The following IGSF9B variants were observed in gnomAD, a reference collection of about 807,000 sequenced individuals.
IGSF9B encodes protein turtle homolog B.
A neutral mutation model predicts 143.7 loss-of-function variants in IGSF9B; 48 were observed. The ratio of observed to expected loss-of-function variants is 0.33; its 90% confidence interval spans 0.26 to 0.42. The LOEUF (loss-of-function observed/expected upper bound fraction) is 0.42, where lower values mean the gene tolerates loss of function less well. Ranked by LOEUF, IGSF9B falls within the 20% of genes least tolerant of loss-of-function variation. IGSF9B has a pLI of 1.00. For synonymous variants in IGSF9B, 903 were observed against 833.1 expected, an observed-to-expected ratio of 1.08 and a Z score of -1.44; for missense variants, 1,706 against 1,980.0, an observed-to-expected ratio of 0.86 and a Z score of 2.63.
Position 133,897,116 on chromosome 11 carries a change from G to C in IGSF9B, c.*11953C>G, listed in dbSNP as rs1175654376. On this transcript the variant is annotated 3_prime_UTR_variant, in exon 20 of 20. Coordinates refer to ENST00000533871, the MANE Select transcript of IGSF9B (RefSeq NM_001277285.4). ...TGGAAGGGCCCCTTATAAATGCTTT[G>C]AGTTTGGAGATTTTGAGGGAAAAAA... 1 of 152,140 alleles carries C rather than the reference G, an allele frequency of 6.6e-6. No individual in the cohort carries two copies. Among genetic ancestry groups the C allele is most frequent in the Non-Finnish European group, 1.5e-5 (1 of 68,046 alleles). The allele number at this position is 152,140 out of a possible 1,614,324, so 9.4% of individuals were successfully genotyped here.
chr11:133,915,256 TTCTC>T (rs752318217), intron 18 of IGSF9B, among the ~76,000 whole-genome samples: 12,784 of 131,414 alleles, frequency 0.097, 1,141 homozygotes, highest in Middle Eastern at 0.14. Context: ...TGGAACTTAC[TTCTC>T]TCTCTCTCTT....
chr11:133,920,624 C>A lies in IGSF9B; in HGVS notation c.3101G>T (p.Gly1034Val). The change falls in exon 18 of 20, where the codon GGG becomes GTG. Residue 1034 changes from glycine to valine, a missense_variant. Physicochemically the swap from Gly to Val is moderately radical, Grantham distance 109. Coordinates refer to ENST00000533871, the MANE Select transcript of IGSF9B (RefSeq NM_001277285.4). The part of the protein sequence containing the change: ...TLPLTQTPTG[G>V]RSPEPWGRPE... ...CCGGCCCCAGGGCTCAGGGGAGCGC[C>A]CTCCTGTAGGTGTCTGAGTCAAGGG... 1 of 1,613,486 alleles carries A rather than the reference C, an allele frequency of 6.2e-7. No homozygotes were observed. Among genetic ancestry groups the A allele is most frequent in the Non-Finnish European group, 8.5e-7 (1 of 1,179,814 alleles).
intron 7 of IGSF9B, among the ~76,000 whole-genome samples, chr11:133,934,612 G>A (rs1020591218): frequency 3.3e-5 from 5 of 152,192 alleles, no homozygotes; most frequent in African/African-American, 9.7e-5. Flanking sequence ...GTGAGACTGC[G>A]AGGTTAGGGG....
intron 3 of IGSF9B, among the ~76,000 whole-genome samples, chr11:133,940,377 T>C (rs1188716220): frequency 3.4e-5 from 4 of 116,044 alleles, no homozygotes; most frequent in Admixed American, 3.0e-4. Flanking sequence ...ACCTCGCACG[T>C]CCTCGCATGC....
chr11:133,956,600 G>C (rs991376142), intron 1 of IGSF9B, 91 bp downstream of exon 1: 24 of 867,506 alleles, frequency 2.8e-5, no homozygotes, highest in Admixed American at 4.9e-5. Context: ...TGGGGAACCG[G>C]GGGGCCAAGG....
chr11:133,951,950 T>C (rs1940166405), intron 1 of IGSF9B: 2 of 430,240 alleles, frequency 4.6e-6, no homozygotes, highest in South Asian at 3.2e-5. Flanking sequence ...AGTCTGTGCC[T>C]GTGTGCAAGT....
chr11:133,920,058 G>A lies in IGSF9B; in HGVS notation c.3667C>T (p.Arg1223Trp), dbSNP rs752565096. 1.4e-5 allele frequency: 22 copies of A among 1,546,238 alleles called. No individual in the cohort carries two copies. The South Asian group carries it at 1.7e-4, about 12-fold the overall frequency. Reference protein sequence around the residue: ...TGSPELAARARPRPGLLQQAE... With the variant: ...TGSPELAARAWPRPGLLQQAE... ...TGCTGCAGGAGGCCCGGGCGAGGCC[G>A]GGCACGGGCGGCGAGCTCAGGGGAG... is the stretch of plus-strand genomic sequence containing the variant. The change falls in exon 18 of 20, where the codon CGG becomes TGG. Residue 1223 changes from arginine to tryptophan, a missense_variant. By Grantham distance (101) the Arg-to-Trp change is moderately radical (BLOSUM62 -3). Around this residue, in one of 7 missense-constraint regions of IGSF9B, gnomAD observed 880 missense variants for 762.9 expected, o/e 1.15. Transcript: ENST00000533871.
rs139348814 is a variant in IGSF9B, at chr11:133,926,887, G to A, written c.1807+29C>T. The A allele has an allele frequency of 1.3e-4, 196 of 1,539,128 alleles. 1 individual carries two copies. In the African/African-American group the frequency reaches 1.9e-3, roughly 15 times the overall value. ...CGCCCCCACCACCTCTACAACCCCC[G>A]CTCCCAACATCCCACCCCGGGCCCT... On this transcript the variant is annotated intron_variant, in intron 13 of 19. Coordinates refer to ENST00000533871, the MANE Select transcript of IGSF9B (RefSeq NM_001277285.4).
In IGSF9B at chr11:133,943,276, A is replaced by C. The variant is rs112548718; in HGVS notation, c.409+944T>G. On this transcript the variant is annotated intron_variant, in intron 3 of 19. Coordinates refer to ENST00000533871, the MANE Select transcript of IGSF9B (RefSeq NM_001277285.4). ...AATTTTGTCATCAATGGAATAACGA[A>C]GGACACATTGTTAATTTTTTGGCCA... 6.2e-3 allele frequency among the ~76,000 whole-genome samples: 941 copies of C among 152,340 alleles called. 11 individuals carry two copies. Among genetic ancestry groups the C allele is most frequent in the African/African-American group, 0.022 (920 of 41,568 alleles).
chr11:133,945,098 G>A lies in IGSF9B; in HGVS notation c.263-732C>T, dbSNP rs2121337141. On this transcript the variant is annotated intron_variant, in intron 2 of 19. Transcript: ENST00000533871. The surrounding 1 kb of genome is among the most constrained non-coding windows in gnomAD (Gnocchi z 4.6). ...AGGATGCCATCTGTGTCTCACATGT[G>A]GCAATGAGGAGGCCAGAGGTGCAGA... Among the ~76,000 whole-genome samples the A allele has an allele frequency of 6.6e-6, 1 of 152,278 alleles. No homozygotes were observed. Among genetic ancestry groups the A allele is most frequent in the South Asian group, 2.1e-4 (1 of 4,820 alleles).
At chr11:133,919,655 G>C (rs935847662) in intron 18 of IGSF9B, 87 bp downstream of exon 18, 4 of 873,730 alleles carry the variant, frequency 4.6e-6, no homozygotes, top group African/African-American at 1.7e-5. Flanking sequence ...CTGTCGCCGG[G>C]CGGATGGACG....
intron 15 of IGSF9B, 58 bp downstream of exon 15, chr11:133,924,762 C>A: frequency 7.2e-7 from 1 of 1,380,342 alleles, no homozygotes; most frequent in South Asian, 1.2e-5. Context: ...AAATGACCCC[C>A]ATGCAGCTCT....
At position 133,920,542 on chromosome 11, in the gene IGSF9B, C is replaced by CA; in HGVS notation, c.3182dup (p.Pro1062AlafsTer4). 6.2e-7 allele frequency: 1 copy of CA among 1,611,084 alleles called. No homozygotes were observed. The highest frequency in any genetic ancestry group is 8.5e-7 in the Non-Finnish European group (1 of 1,178,726). ...GACTCTCGGGCACATCACAGGGTGG[C>CA]AGCTGGTGGGGGAACATCATCGCTG... On this transcript the variant is annotated frameshift_variant, in exon 18 of 20. Transcript: ENST00000533871. LOFTEE classifies it high-confidence loss of function.
intron 18 of IGSF9B, 126 bp downstream of exon 18, chr11:133,919,616 G>A: frequency 1.6e-6 from 1 of 642,074 alleles, no homozygotes; most frequent in Middle Eastern, 4.4e-4. Context: ...CTCTCCGAGG[G>A]ACGCCGGTGC....
rs903238113 is a variant in IGSF9B, at chr11:133,945,498, C to T, written c.262+563G>A. Among the ~76,000 whole-genome samples the T allele has an allele frequency of 6.6e-6, 1 of 152,210 alleles. No individual in the cohort carries two copies. Among genetic ancestry groups the T allele is most frequent in the African/African-American group, 2.4e-5 (1 of 41,460 alleles). On this transcript the variant is annotated intron_variant, in intron 2 of 19. Transcript: ENST00000533871. This position sits in a 1 kb window ranked among gnomAD's most constrained non-coding sequence, Gnocchi z 4.6. ...CACACACACACCCACGCCCTCCTCTCCCGCGGGCTGGGGGGCAGGCAGCGG... is the reference window on the plus strand; with the variant it reads ...CACACACACACCCACGCCCTCCTCTTCCGCGGGCTGGGGGGCAGGCAGCGG...
rs758112723 is a variant in IGSF9B at position 133,921,184 on chromosome 11, G to T, written c.2541C>A (p.Ile847=). 2 of 1,609,088 alleles carry T rather than the reference G, an allele frequency of 1.2e-6. No individual in the cohort carries two copies. Among genetic ancestry groups the T allele is most frequent in the Non-Finnish European group, 1.7e-6 (2 of 1,177,136 alleles). ...CGTCAGGGCCTCTGCTGATGAGCTC[G>T]ATGGGCGTGGTGGCCTCTGCCTCGG... is the stretch of plus-strand genomic sequence containing the variant. ...AEAEAEATTP[I]ELISRGPDGR... is the part of the protein sequence containing the mutation. The change falls in exon 18 of 20, where the codon ATC becomes ATA. Residue 847 remains isoleucine, a synonymous_variant. Transcript: ENST00000533871.
chr11:133,930,025 T>C (rs1183343653), intron 11 of IGSF9B, among the ~76,000 whole-genome samples: 1 of 152,130 alleles, frequency 6.6e-6, no homozygotes, highest in Non-Finnish European at 1.5e-5. Flanking sequence ...GGAGATCACA[T>C]AGCATCAGGA....
At chr11:133,912,357 G>C (rs1280260674) in intron 18 of IGSF9B, 1 of 482,032 alleles carries the variant, frequency 2.1e-6, no homozygotes, top group Admixed American at 2.3e-5. Flanking sequence ...CTGAACGTCT[G>C]GAGTTCCTAG....
intron 1 of IGSF9B, chr11:133,951,816 C>A: frequency 5.2e-6 from 1 of 191,946 alleles, no homozygotes; most frequent in Non-Finnish European, 1.1e-5. Flanking sequence ...GGCTGGGCTC[C>A]GTGGTAAGAT....
Sources: allele counts gnomAD v4.1 joint callset (sites outside exome capture counted in the v4.1 genomes callset), GRCh38; gene constraint gnomAD v4.1.1; regional missense constraint gnomAD v4.1.1; non-coding constraint Gnocchi (gnomAD v3.1); transcripts MANE v1.5; gene names NCBI Gene and HGNC (gene_info 2026-07-23, HGNC 2026-07-21).